TTC9C: variants seen among roughly 807,000 people sequenced by gnomAD.
The protein encoded by TTC9C is tetratricopeptide repeat protein 9C.
A neutral mutation model predicts 22.5 loss-of-function variants in TTC9C; 15 were observed. That is an observed-to-expected ratio of 0.67 (90% confidence interval 0.45 to 1.03). The LOEUF is 1.03. Ranked by LOEUF, TTC9C falls within the 50% of genes least tolerant of loss-of-function variation. The pLI is 0.00. For missense variants in TTC9C, 244 were observed against 214.6 expected, an observed-to-expected ratio of 1.14 and a Z score of -0.86; for synonymous variants, 92 against 86.8, an observed-to-expected ratio of 1.06 and a Z score of -0.33.
chr11:62,728,170 C>A (rs150065880), upstream of TTC9C: 212 of 273,584 alleles, frequency 7.7e-4, no homozygotes, highest in African/African-American at 4.6e-3. Context: ...CTGTACGCAT[C>A]TCTGACCCTT....
chr11:62,734,649 C>G (rs958191358), intron 1 of TTC9C, among the ~76,000 whole-genome samples: 2 of 136,732 alleles, frequency 1.5e-5, no homozygotes, highest in Admixed American at 1.4e-4. Context: ...AGTGAATACT[C>G]TGCCAAAAAA....
chr11:62,738,139 T>C, intron 2 of TTC9C, 149 bp from the exon 3 acceptor site: 1 of 381,486 alleles, frequency 2.6e-6, no homozygotes, highest in Non-Finnish European at 4.7e-6. Flanking sequence ...ATTAATGAGA[T>C]TTACTATTGC....
At chr11:62,728,301 C>T (rs2083787770), upstream of TTC9C, 1 of 352,180 alleles carries the variant, frequency 2.8e-6, no homozygotes, top group Non-Finnish European at 5.6e-6. Flanking sequence ...CTTATGTGGA[C>T]ACCTCAGTGT....
chr11:62,728,721 C>G lies in TTC9C; in HGVS notation c.-128C>G, dbSNP rs1323713756. ...CAAACCGCAGGTCCCTGTGGGGGGACTCTCCAGGAAGAAGGGTAATTTCCT... is the reference window on the plus strand; with the variant it reads ...CAAACCGCAGGTCCCTGTGGGGGGAGTCTCCAGGAAGAAGGGTAATTTCCT... On this transcript the variant is annotated 5_prime_UTR_variant, in exon 1 of 3. Coordinates refer to ENST00000316461, the MANE Select transcript of TTC9C (RefSeq NM_173810.4). 1 of 896,706 alleles carries G rather than the reference C, an allele frequency of 1.1e-6. No homozygotes were observed. Among genetic ancestry groups the G allele is most frequent in the Non-Finnish European group, 1.8e-6 (1 of 556,432 alleles). 55.5% of individuals were successfully genotyped at this position (896,706 alleles called of 1,614,324 possible). A position where few individuals can be genotyped will look rare whatever the true frequency, so the allele number is the denominator to read the frequency against.
Position 62,735,400 on chromosome 11 carries a change from A to T in TTC9C, c.257A>T (p.Glu86Val). Reference protein sequence around the residue: ...NNLAACLLQMEPVNYERVREY... With the variant: ...NNLAACLLQMVPVNYERVREY... ...CCATTAGCTTGTCTCCTTCAGATGG[A>T]GCCCGTGAACTACGAACGAGTGAGA... is the stretch of plus-strand genomic sequence containing the variant. The change falls in exon 2 of 3, where the codon GAG (glutamate) becomes GTG (valine). Residue 86 changes from glutamate to valine, a missense_variant. Transcript: ENST00000316461. 6.2e-7 allele frequency: 1 copy of T among 1,614,086 alleles called. No homozygotes were observed. Among genetic ancestry groups the T allele is most frequent in the Middle Eastern group, 1.6e-4 (1 of 6,062 alleles).
Position 62,728,558 on chromosome 11 carries a change from T to G in TTC9C, c.-291T>G, listed in dbSNP as rs751318431. 2.6e-5 allele frequency: 14 copies of G among 533,824 alleles called. 1 individual carries two copies. Among genetic ancestry groups the G allele is most frequent in the South Asian group, 2.0e-4 (13 of 65,204 alleles). The allele number at this position is 533,824 out of a possible 1,614,324, so 33.1% of individuals were successfully genotyped here. On this transcript the variant is annotated 5_prime_UTR_variant, in exon 1 of 3. Coordinates refer to ENST00000316461, the MANE Select transcript of TTC9C (RefSeq NM_173810.4). Reference sequence around the variant, plus strand: ...TGCTTGAGTTCTTCGGAAAGTCTCATCCACCCCCACATCGCCTCTTTAGGA... The same window carrying G: ...TGCTTGAGTTCTTCGGAAAGTCTCAGCCACCCCCACATCGCCTCTTTAGGA...
chr11:62,728,689 A>G lies in TTC9C; in HGVS notation c.-160A>G, dbSNP rs781705901. ...AAAGGAGAGGTGGGGCTTTCAGTAG[A>G]AACAAGCAAACCGCAGGTCCCTGTG... On this transcript the variant is annotated 5_prime_UTR_variant, in exon 1 of 3. Transcript: ENST00000316461. 4 of 736,390 alleles carry G rather than the reference A, an allele frequency of 5.4e-6. No homozygotes were observed. Among genetic ancestry groups the G allele is most frequent in the Admixed American group, 4.0e-5 (2 of 49,970 alleles). The allele number at this position is 736,390 out of a possible 1,614,324, so 45.6% of individuals were successfully genotyped here. A position where few individuals can be genotyped will look rare whatever the true frequency, so the allele number is the denominator to read the frequency against.
At chr11:62,728,224 C>T, upstream of TTC9C, 1 of 311,516 alleles carries the variant, frequency 3.2e-6, no homozygotes, top group Non-Finnish European at 6.3e-6. Flanking sequence ...CAGGAGACTT[C>T]CAGGTTTGGG....
Position 62,735,447 on chromosome 11 carries a change from G to A in TTC9C, c.304G>A (p.Glu102Lys), listed in dbSNP as rs140788036. ...GAGAGAATATAGTCAGAAAGTCCTG[G>A]AACGACAGCCTGATAATGCCAAGGC... ...RVREYSQKVL[E>K]RQPDNAKALY... The change falls in exon 2 of 3, where the codon GAA becomes AAA. Residue 102 changes from glutamate (E) to lysine (K), a missense_variant. Transcript: ENST00000316461. 4 of 1,614,110 alleles carry A rather than the reference G, an allele frequency of 2.5e-6. No homozygotes were observed. In the East Asian group the frequency reaches 8.9e-5, roughly 36 times the overall value.
chr11:62,733,303 A>C, intron 1 of TTC9C: 11 of 505,016 alleles, frequency 2.2e-5, no homozygotes, highest in Non-Finnish European at 3.3e-5. Context: ...CACTTCATTC[A>C]AATTTCATAT....
chr11:62,733,205 T>C, intron 1 of TTC9C: 1 of 1,269,054 alleles, frequency 7.9e-7, no homozygotes, highest in South Asian at 1.3e-5. Context: ...TGCAGGTTTG[T>C]ATTTCAAGGT....
In TTC9C at chr11:62,737,730, A is replaced by G. The variant is rs940553310; in HGVS notation, c.422-558A>G. Reference sequence around the variant, plus strand: ...TAACTGCTTCATCAATCTTGCTTTCATTATGAAATTAGCAACCAGTGTCCA... The same window carrying G: ...TAACTGCTTCATCAATCTTGCTTTCGTTATGAAATTAGCAACCAGTGTCCA... On this transcript the variant is annotated intron_variant, in intron 2 of 2. Transcript: ENST00000316461. Among the ~76,000 whole-genome samples, 7 of 152,258 alleles carry G rather than the reference A, an allele frequency of 4.6e-5. No individual in the cohort carries two copies. In the East Asian group the frequency reaches 1.3e-3, roughly 29 times the overall value.
Position 62,730,221 on chromosome 11 carries a change from C to T in TTC9C, c.238+1135C>T, listed in dbSNP as rs1057421252. Among the ~76,000 whole-genome samples, 8 of 151,954 alleles carry T rather than the reference C, an allele frequency of 5.3e-5. No homozygotes were observed. The East Asian group carries it at 1.6e-3, about 30-fold the overall frequency. On this transcript the variant is annotated intron_variant, in intron 1 of 2. Coordinates refer to ENST00000316461, the MANE Select transcript of TTC9C (RefSeq NM_173810.4). ...CTCTGGAATAGCTGGGATACAGGCGCGTGCCACCACGCCTGGCTAATTTTT... is the reference window on the plus strand; with the variant it reads ...CTCTGGAATAGCTGGGATACAGGCGTGTGCCACCACGCCTGGCTAATTTTT...
At chr11:62,736,864 A>G (rs1297449023) in intron 2 of TTC9C, among the ~76,000 whole-genome samples, 2 of 151,378 alleles carry the variant, frequency 1.3e-5, no homozygotes, top group African/African-American at 4.9e-5. Flanking sequence ...AAAAAAAAAA[A>G]AAGCGAGTGT....
chr11:62,729,794 T>A (rs2083825664), intron 1 of TTC9C, among the ~76,000 whole-genome samples: 1 of 152,128 alleles, frequency 6.6e-6, no homozygotes, highest in Non-Finnish European at 1.5e-5. Flanking sequence ...CAGGCTGGTC[T>A]TGAACTACTG....
At chr11:62,735,665 A>G (rs541366546) in intron 2 of TTC9C, 101 bp downstream of exon 2, 5 of 1,433,976 alleles carry the variant, frequency 3.5e-6, no homozygotes, top group South Asian at 1.5e-5. Context: ...TATTATTTTC[A>G]ATAAGTAATA....
At position 62,738,321 on chromosome 11, in the gene TTC9C, A is replaced by G; in HGVS notation, c.455A>G (p.Gln152Arg). 6.2e-7 allele frequency: 1 copy of G among 1,613,142 alleles called. No homozygotes were observed. Among genetic ancestry groups the G allele is most frequent in the Non-Finnish European group, 8.5e-7 (1 of 1,179,508 alleles). ...GTCCGGCGGTACCTCCAGCTGACAC[A>G]GTCAGAACTCAGCAGCTACCATAGA... ...ANVRRYLQLTQSELSSYHRKE... is the reference protein window; with the variant it reads ...ANVRRYLQLTRSELSSYHRKE... Residue 152 changes from glutamine (Q) to arginine (R), a missense_variant, in exon 3 of 3, where the codon CAG becomes CGG. Gln to Arg is a conservative substitution (Grantham distance 43). Coordinates refer to ENST00000316461, the MANE Select transcript of TTC9C (RefSeq NM_173810.4).
At chr11:62,728,470 TAGAA>T (rs1477677408), upstream of TTC9C, 17 of 469,420 alleles carry the variant, frequency 3.6e-5, no homozygotes, top group East Asian at 6.6e-5. Context: ...GCGGGTCCAA[TAGAA>T]AGGCGGAAGC....
At chr11:62,728,271 G>A (rs1033232780), upstream of TTC9C, 13 of 339,250 alleles carry the variant, frequency 3.8e-5, no homozygotes, top group African/African-American at 1.9e-4. Context: ...ACGGCGCCGG[G>A]TGGGCTTGCA....
Sources: gnomAD v4.1 joint callset for allele counts (sites outside exome capture counted in the v4.1 genomes callset) on GRCh38, gnomAD v4.1.1 for gene constraint, MANE v1.5 for transcripts, NCBI Gene and HGNC (gene_info 2026-07-23, HGNC 2026-07-21) for gene names.